PRR11: variants seen among roughly 807,000 people sequenced by gnomAD.
PRR11 encodes the protein proline rich 11.
PRR11 carries 30 observed loss-of-function variants against 45.6 expected under a neutral mutation model. The ratio of observed to expected loss-of-function variants is 0.66; its 90% CI spans 0.49 to 0.89. The LOEUF is 0.89. Ranked by LOEUF, PRR11 falls within the 40% of genes least tolerant of loss-of-function variation. The pLI is 0.00. For missense variants in PRR11, 373 were observed against 424.8 expected, an observed-to-expected ratio of 0.88 and a Z score of 1.07; for synonymous variants, 128 against 153.5, an observed-to-expected ratio of 0.83 and a Z score of 1.23.
chr17:59,197,695 G>A lies in PRR11; in HGVS notation c.920G>A (p.Ser307Asn). Reference sequence around the variant, plus strand: ...TGTTATTTTCAATACCTTTGCAGGAGCCCAGGTGGAACCCCTCTTACCAAT... The same window carrying A: ...TGTTATTTTCAATACCTTTGCAGGAACCCAGGTGGAACCCCTCTTACCAAT... ...KLLRKVDVER[S>N]PGGTPLTNKE... Residue 307 changes from serine (S) to asparagine (N), a missense_variant and splice_region_variant, in exon 9 of 10, where the codon AGC becomes AAC. Coordinates refer to ENST00000262293, the MANE Select transcript of PRR11 (RefSeq NM_018304.4). 1 of 1,613,820 alleles carries A rather than the reference G, an allele frequency of 6.2e-7. No homozygotes were observed. Among genetic ancestry groups the A allele is most frequent in the Non-Finnish European group, 8.5e-7 (1 of 1,179,788 alleles).
At position 59,205,647 on chromosome 17, in the gene PRR11, C is replaced by T. The variant is rs1042807864; in HGVS notation, c.*4016C>T. ...CTGGGAGGCAGAGGTTGCAGTGAGC[C>T]GAGATCGCCCCATTGCACTCCAGCT... On this transcript the variant is annotated 3_prime_UTR_variant, in exon 10 of 10. Transcript: ENST00000262293. Among the ~76,000 whole-genome samples, 21 of 150,750 alleles carry T rather than the reference C, an allele frequency of 1.4e-4. No individual in the cohort carries two copies. In the South Asian group the frequency reaches 2.1e-3, roughly 15 times the overall value.
At position 59,204,400 on chromosome 17, in the gene PRR11, A is replaced by G. The variant is rs2046908032; in HGVS notation, c.*2769A>G. Reference sequence around the variant, plus strand: ...AACAGAGCCAGACCCTGCCTCAAAAAAAAAAAAAAAAAAAAAAAAGGCCTG... The same window carrying G: ...AACAGAGCCAGACCCTGCCTCAAAAGAAAAAAAAAAAAAAAAAAAGGCCTG... On this transcript the variant is annotated 3_prime_UTR_variant, in exon 10 of 10. Coordinates refer to ENST00000262293, the MANE Select transcript of PRR11 (RefSeq NM_018304.4). 6.7e-6 allele frequency: 1 copy of G among 149,996 alleles called. No homozygotes were observed. Among genetic ancestry groups the G allele is most frequent in the Non-Finnish European group, 1.4e-5 (1 of 70,474 alleles). 9.3% of individuals were successfully genotyped at this position (149,996 alleles called of 1,614,324 possible).
intron 2 of PRR11, chr17:59,174,987 G>A (rs757139082): frequency 4.1e-5 from 31 of 759,502 alleles, no homozygotes; most frequent in Non-Finnish European, 5.3e-5. Context: ...GGAAACCCAA[G>A]CCCTCCAGCG....
chr17:59,166,752 G>A (rs1001807626), intron 1 of PRR11, among the ~76,000 whole-genome samples: 3 of 152,000 alleles, frequency 2.0e-5, no homozygotes, highest in Non-Finnish European at 4.4e-5. Flanking sequence ...ATTATATCCC[G>A]ACATTTGTAT....
At chr17:59,178,969 C>T (rs1432337405) in intron 2 of PRR11, among the ~76,000 whole-genome samples, 1 of 152,082 alleles carries the variant, frequency 6.6e-6, no homozygotes, top group African/African-American at 2.4e-5. Flanking sequence ...GCTGAAGCCG[C>T]TTTCTTTGAT....
At chr17:59,164,065 T>A (rs1268373531) in intron 1 of PRR11, among the ~76,000 whole-genome samples, 1 of 152,098 alleles carries the variant, frequency 6.6e-6, no homozygotes, top group East Asian at 1.9e-4. Flanking sequence ...TGAGACTCCA[T>A]CTTAAAAAAA....
rs1599712388 is a variant in PRR11, at chr17:59,206,144, T to A, written c.*4513T>A. On this transcript the variant is annotated 3_prime_UTR_variant, in exon 10 of 10. Transcript: ENST00000262293. ...CACTTTGGGAGGCTAAGGCAGGAGG[T>A]TCGCTTGAGGCCAAGAGTTCAAAAC... Among the ~76,000 whole-genome samples the A allele has an allele frequency of 6.6e-6, 1 of 151,722 alleles. No individual in the cohort carries two copies. The highest frequency in any genetic ancestry group is 6.6e-5 in the Admixed American group (1 of 15,222).
chr17:59,178,417 C>T, intron 2 of PRR11: 1 of 477,874 alleles, frequency 2.1e-6, no homozygotes. Flanking sequence ...GAAGCTGCAC[C>T]CTCCCCCTGG....
chr17:59,175,391 GA>G (rs1305261563), intron 2 of PRR11, among the ~76,000 whole-genome samples: 2 of 152,248 alleles, frequency 1.3e-5, no homozygotes, highest in Admixed American at 6.5e-5. Flanking sequence ...TTGGGAGGCT[GA>G]GGCAGGAGGA....
chr17:59,162,184 T>C (rs547531075), intron 1 of PRR11, among the ~76,000 whole-genome samples: 6 of 147,212 alleles, frequency 4.1e-5, no homozygotes, highest in Admixed American at 1.4e-4. Context: ...TAGAAGGAGA[T>C]TAGATAGAAG....
chr17:59,179,916 G>T (rs1247672726), intron 2 of PRR11: 2 of 1,310,080 alleles, frequency 1.5e-6, no homozygotes, highest in Admixed American at 1.7e-5. Context: ...TAATGCTTCT[G>T]CAATTGAACT....
intron 7 of PRR11, among the ~76,000 whole-genome samples, chr17:59,195,808 GT>G (rs562916216): frequency 4.1e-4 from 63 of 152,154 alleles, no homozygotes; most frequent in African/African-American, 1.4e-3. Flanking sequence ...GCTGGGAGTG[GT>G]GGGTTATGTC....
At chr17:59,159,977 C>T (rs1451752902) in intron 1 of PRR11, among the ~76,000 whole-genome samples, 2 of 152,022 alleles carry the variant, frequency 1.3e-5, no homozygotes, top group Non-Finnish European at 2.9e-5. Context: ...ACTGTAAACT[C>T]TTGGAGGGCA....
At chr17:59,198,844 G>GA (rs993989616) in intron 9 of PRR11, among the ~76,000 whole-genome samples, 4 of 151,304 alleles carry the variant, frequency 2.6e-5, no homozygotes, top group African/African-American at 9.7e-5. Context: ...CTCAAAAAAA[G>GA]AAAAAAAAGA....
chr17:59,197,625 A>G, intron 8 of PRR11, 22 bp downstream of exon 8: 1 of 1,612,040 alleles, frequency 6.2e-7, no homozygotes, highest in Non-Finnish European at 8.5e-7. Flanking sequence ...TCATATCTTT[A>G]TGCCTTCTAC....
At chr17:59,162,441 T>A (rs2046658174) in intron 1 of PRR11, among the ~76,000 whole-genome samples, 1 of 152,138 alleles carries the variant, frequency 6.6e-6, no homozygotes, top group Non-Finnish European at 1.5e-5. Flanking sequence ...TACTCAAATT[T>A]TCCAGCTAAT....
intron 1 of PRR11, among the ~76,000 whole-genome samples, chr17:59,165,545 C>A (rs1409159127): frequency 1.3e-5 from 2 of 151,922 alleles, no homozygotes; most frequent in African/African-American, 4.8e-5. Flanking sequence ...GTAATCCCAG[C>A]ACTTTGGGAG....
At chr17:59,185,262 A>G in intron 3 of PRR11, 58 bp downstream of exon 3, 1 of 1,590,260 alleles carries the variant, frequency 6.3e-7, no homozygotes, top group East Asian at 2.2e-5. Flanking sequence ...CTTGGTGTTT[A>G]TATACATATG....
At chr17:59,187,213 A>G (rs2046818223) in intron 4 of PRR11, among the ~76,000 whole-genome samples, 1 of 151,994 alleles carries the variant, frequency 6.6e-6, no homozygotes, top group South Asian at 2.1e-4. Context: ...TCTCAAAAAT[A>G]AAATAAAATA....
Sources: allele counts gnomAD v4.1 joint callset (sites outside exome capture counted in the v4.1 genomes callset), GRCh38; gene constraint gnomAD v4.1.1; transcripts MANE v1.5; gene names NCBI Gene and HGNC (gene_info 2026-07-23, HGNC 2026-07-21).